The following SLC5A11 variants were observed in gnomAD, a reference collection of about 807,000 sequenced individuals.
SLC5A11 encodes sodium/myo-inositol cotransporter 2.
Under a neutral mutation model 69.8 loss-of-function variants are expected in SLC5A11, and 48 were observed. The ratio of observed to expected loss-of-function variants is 0.69; its 90% confidence interval spans 0.55 to 0.87. The LOEUF is 0.87. Ranked by LOEUF, SLC5A11 falls within the 40% of genes least tolerant of loss-of-function variation. SLC5A11 has a pLI of 0.00. For synonymous variants in SLC5A11, 319 were observed against 342.4 expected, an observed-to-expected ratio of 0.93 and a Z score of 0.75; for missense variants, 784 against 866.1, an observed-to-expected ratio of 0.91 and a Z score of 1.19.
At chr16:24,847,417 C>T (rs1344351453) in intron 1 of SLC5A11, among the ~76,000 whole-genome samples, 1 of 150,904 alleles carries the variant, frequency 6.6e-6, no homozygotes, top group Non-Finnish European at 1.5e-5. Flanking sequence ...TCTGTTCTCT[C>T]TCTCTCTCGT....
chr16:24,909,041 C>A, exon 14 of SLC5A11: 1 of 1,614,134 alleles, frequency 6.2e-7, no homozygotes, highest in Non-Finnish European at 8.5e-7. Context: ...TCCACGGTCA[C>A]CCTCATCACT....
intron 6 of SLC5A11, among the ~76,000 whole-genome samples, chr16:24,876,431 C>A (rs2047679210): frequency 6.6e-6 from 1 of 152,220 alleles, no homozygotes; most frequent in African/African-American, 2.4e-5. Flanking sequence ...TGCGCTGCCC[C>A]ACCCTGACCT....
In SLC5A11 at chr16:24,908,984, C is replaced by T. The variant is rs113001577; in HGVS notation, c.1538C>T (p.Pro513Leu). ...CGATGCGACCAGCCAGATGAGCGCCCGGTCCTGGTGAAGAGCATTCACTAC... is the reference window on the plus strand; with the variant it reads ...CGATGCGACCAGCCAGATGAGCGCCTGGTCCTGGTGAAGAGCATTCACTAC... Residue 513 changes from proline (P) to leucine (L), a missense_variant, in exon 14 of 16, where the codon CCG becomes CTG. Around this residue, in one of 3 missense-constraint regions of SLC5A11, gnomAD observed 550 missense variants for 606.4 expected, o/e 0.91. Coordinates refer to ENST00000347898, the Ensembl canonical transcript of SLC5A11. The T allele has an allele frequency of 3.2e-5, 51 of 1,614,072 alleles. No homozygotes were observed. In the African/African-American group the frequency reaches 3.6e-4, roughly 11 times the overall value.
In SLC5A11 at chr16:24,891,114, G is replaced by A. The variant is rs758518905; in HGVS notation, c.870+40G>A. The A allele has an allele frequency of 3.8e-6, 6 of 1,592,308 alleles. No homozygotes were observed. The South Asian group carries it at 4.4e-5, about 12-fold the overall frequency. On this transcript the variant is annotated intron_variant, in intron 9 of 15. Transcript: ENST00000347898. ...CCTGAGCAAGTTTTTCCTTCTCTTTGCTTCTTTCCTTAGGGTGGCTGAAGT... is the reference window on the plus strand; with the variant it reads ...CCTGAGCAAGTTTTTCCTTCTCTTTACTTCTTTCCTTAGGGTGGCTGAAGT...
intron 8 of SLC5A11, among the ~76,000 whole-genome samples, chr16:24,886,957 G>A (rs1441802719): frequency 6.6e-6 from 1 of 152,136 alleles, no homozygotes; most frequent in Non-Finnish European, 1.5e-5. Flanking sequence ...GACAGGGTGA[G>A]ACTCTGTATA....
At chr16:24,860,472 A>C (rs2059719387) in intron 2 of SLC5A11, among the ~76,000 whole-genome samples, 1 of 151,952 alleles carries the variant, frequency 6.6e-6, no homozygotes, top group Admixed American at 6.6e-5. Context: ...TAAATAAATA[A>C]ATAAACTCTG....
chr16:24,872,130 G>T (rs139430388), intron 4 of SLC5A11, 30 bp from the exon 6 acceptor site: 87 of 1,613,852 alleles, frequency 5.4e-5, no homozygotes, highest in Non-Finnish European at 6.6e-5. Context: ...TGAGCTGGGG[G>T]CCAAGTCCTG....
chr16:24,868,456 G>A (rs1483406593), intron 3 of SLC5A11, among the ~76,000 whole-genome samples: 11 of 150,490 alleles, frequency 7.3e-5, no homozygotes, highest in Admixed American at 2.6e-4. Context: ...AAAATTAGCC[G>A]GGCGTGGTGG....
In SLC5A11 at chr16:24,901,958, G is replaced by GCACACACACACACA. The variant is rs56126191; in HGVS notation, c.1006+3860_1006+3873dup. Reference sequence around the variant, plus strand: ...CACACACACACACACACACACACACGCACACACACACACACACACACACAT... The same window carrying GCACACACACACACA: ...CACACACACACACACACACACACACGCACACACACACACACACACACACACACACACACACACAT... On this transcript the variant is annotated intron_variant, in intron 10 of 15. Coordinates refer to ENST00000347898, the Ensembl canonical transcript of SLC5A11. Among the ~76,000 whole-genome samples, 12 of 136,574 alleles carry GCACACACACACACA rather than the reference G, an allele frequency of 8.8e-5. 1 individual carries two copies. Among genetic ancestry groups the GCACACACACACACA allele is most frequent in the African/African-American group, 3.3e-4 (12 of 36,358 alleles). The allele number at this position is 136,574 out of a possible 152,430, so 89.6% of individuals were successfully genotyped here.
intron 2 of SLC5A11, among the ~76,000 whole-genome samples, chr16:24,860,478 C>A (rs1368677604): frequency 6.6e-6 from 1 of 151,688 alleles, no homozygotes; most frequent in East Asian, 1.9e-4. Context: ...AATAAATAAA[C>A]TCTGTACACT....
At position 24,908,172 on chromosome 16, in the gene SLC5A11, G is replaced by T. The variant is rs200686689; in HGVS notation, c.1434+41G>T. 1.1e-4 allele frequency: 170 copies of T among 1,525,546 alleles called. 1 individual carries two copies. In the East Asian group the frequency reaches 3.7e-3, roughly 33 times the overall value. 94.5% of individuals were successfully genotyped at this position (1,525,546 alleles called of 1,614,324 possible). A position where few individuals can be genotyped will look rare whatever the true frequency, so the allele number is the denominator to read the frequency against. ...TCCCACTATGCCAGAACCAAGTGCT[G>T]CCCCTTGAGGACTGGGATAGGATGG... On this transcript the variant is annotated intron_variant, in intron 13 of 15. Coordinates refer to ENST00000347898, the Ensembl canonical transcript of SLC5A11.
exon 1 of SLC5A11, chr16:24,846,036 T>G (rs2058996059): frequency 6.6e-6 from 1 of 152,570 alleles, no homozygotes; most frequent in South Asian, 2.1e-4. Flanking sequence ...GATGGTGCCT[T>G]GGGCTCCAGC....
intron 12 of SLC5A11, among the ~76,000 whole-genome samples, chr16:24,907,724 TAATAA>T (rs1289867778): frequency 1.3e-5 from 2 of 150,134 alleles, no homozygotes; most frequent in African/African-American, 2.5e-5. Flanking sequence ...AAAATTAAAA[TAATAA>T]AATAAAATAA....
intron 7 of SLC5A11, among the ~76,000 whole-genome samples, chr16:24,879,790 G>A (rs1168180139): frequency 6.6e-6 from 1 of 152,148 alleles, no homozygotes; most frequent in East Asian, 1.9e-4. Context: ...TTCTGTTCCT[G>A]CATTAATTCA....
At chr16:24,861,678 AAGGG>A (rs1471161373) in intron 2 of SLC5A11, among the ~76,000 whole-genome samples, 1 of 139,094 alleles carries the variant, frequency 7.2e-6, no homozygotes, top group Non-Finnish European at 1.5e-5. Flanking sequence ...GAAAGGAAGG[AAGGG>A]AGGGAGGAAG....
At chr16:24,854,006 G>A (rs931662657) in intron 1 of SLC5A11, among the ~76,000 whole-genome samples, 4 of 152,056 alleles carry the variant, frequency 2.6e-5, no homozygotes, top group South Asian at 4.2e-4. Context: ...CCCACCTCCC[G>A]GAGACTCAGG....
chr16:24,872,332 C>T (rs1423594374), intron 5 of SLC5A11, 113 bp downstream of exon 6: 7 of 1,255,720 alleles, frequency 5.6e-6, no homozygotes, highest in Non-Finnish European at 8.1e-6. Flanking sequence ...GTCATGTATT[C>T]GATTGCCACT....
intron 1 of SLC5A11, among the ~76,000 whole-genome samples, chr16:24,855,696 A>AAATG (rs2059500065): frequency 6.6e-6 from 1 of 151,282 alleles, no homozygotes; most frequent in East Asian, 1.9e-4. Flanking sequence ...ATAAATAAAT[A>AAATG]AAAATAAAAC....
At position 24,862,952 on chromosome 16, in the gene SLC5A11, T is replaced by C. The variant is rs986979945; in HGVS notation, c.207+280T>C. ...TATATATTATATAAAATATATAACA[T>C]ATAATTATATATTATATAATATATA... is the stretch of plus-strand genomic sequence containing the variant. On this transcript the variant is annotated intron_variant, in intron 3 of 15. Coordinates refer to ENST00000347898, the Ensembl canonical transcript of SLC5A11. 2.9e-5 allele frequency among the ~76,000 whole-genome samples: 4 copies of C among 139,188 alleles called. No individual in the cohort carries two copies. The South Asian group carries it at 6.4e-4, about 22-fold the overall frequency. 91.3% of individuals were successfully genotyped at this position (139,188 alleles called of 152,430 possible).
Sources: gnomAD v4.1 joint callset for allele counts (sites outside exome capture counted in the v4.1 genomes callset) on GRCh38, gnomAD v4.1.1 for gene constraint, gnomAD v4.1.1 regional missense constraint, MANE v1.5 for transcripts, NCBI Gene and HGNC (gene_info 2026-07-23, HGNC 2026-07-21) for gene names.